CUBN: variants seen among roughly 807,000 people sequenced by gnomAD.
CUBN encodes the protein cubilin.
A neutral mutation model predicts 405.3 loss-of-function variants in CUBN; 282 were observed. That is an observed-to-expected ratio of 0.70 (90% confidence interval 0.63 to 0.77). The LOEUF (loss-of-function observed/expected upper bound fraction) is 0.77. Ranked by LOEUF, CUBN falls within the 30% of genes least tolerant of loss-of-function variation. The pLI, the probability that CUBN is intolerant of heterozygous loss-of-function variation, is 0.00. For synonymous variants in CUBN, 1,684 were observed against 1,617.0 expected (o/e 1.04, Z -0.99); for missense variants, 4,514 against 4,475.2 (o/e 1.01, Z -0.25).
rs201587209 is a variant in CUBN at position 16,984,128 on chromosome 10, G to T, written c.4502C>A (p.Ala1501Glu). 3 of 1,614,052 alleles carry T rather than the reference G, an allele frequency of 1.9e-6. No homozygotes were observed. Among genetic ancestry groups the T allele is most frequent in the Non-Finnish European group, 2.5e-6 (3 of 1,179,998 alleles). ...DLSINGRGFN[A>E]SWQAVTGGCG... ...ACCTCCAGTGACTGCTTGCCATGAC[G>T]CATTGAAGCCTCTCCCATTTATGGA... Residue 1501 changes from alanine (A) to glutamate (E), a missense_variant, in exon 30 of 67, where the codon GCG (alanine) becomes GAG (glutamate). Transcript: ENST00000377833.
intron 31 of CUBN, among the ~76,000 whole-genome samples, chr10:16,967,102 T>C (rs1158987706): frequency 6.6e-6 from 1 of 152,176 alleles, no homozygotes; most frequent in African/African-American, 2.4e-5. Context: ...TTATAGCATC[T>C]CTTCTTGGGG....
chr10:16,892,054 C>A (rs1029581036), intron 54 of CUBN, among the ~76,000 whole-genome samples: 2 of 152,200 alleles, frequency 1.3e-5, no homozygotes, highest in South Asian at 2.1e-4. Flanking sequence ...TCCTCACCCA[C>A]AGCAATAAAA....
intron 27 of CUBN, among the ~76,000 whole-genome samples, chr10:17,028,605 C>T (rs1190325111): frequency 6.6e-6 from 1 of 151,572 alleles, no homozygotes; most frequent in Non-Finnish European, 1.5e-5. Context: ...CATGTAATCC[C>T]AGCTACTCAG....
chr10:16,831,746 G>A (rs983504411), intron 64 of CUBN, among the ~76,000 whole-genome samples: 1 of 152,186 alleles, frequency 6.6e-6, no homozygotes, highest in African/African-American at 2.4e-5. Flanking sequence ...TCTGGAGAAT[G>A]TAGGTAAAGT....
chr10:16,841,875 T>C (rs1839360280), intron 60 of CUBN, among the ~76,000 whole-genome samples: 1 of 125,158 alleles, frequency 8.0e-6, no homozygotes, highest in Non-Finnish European at 1.6e-5. Context: ...ATGGTGCCAC[T>C]ACACTCCAGC....
intron 55 of CUBN, among the ~76,000 whole-genome samples, chr10:16,889,905 C>G (rs1434938048): frequency 7.1e-6 from 1 of 140,190 alleles, no homozygotes; most frequent in Admixed American, 7.0e-5. Context: ...CCACTGCACT[C>G]CAGCCTGGCG....
In CUBN at chr10:16,888,484, G is replaced by A. The variant is rs2131396240; in HGVS notation, c.8838C>T (p.Cys2946=). 1 of 1,612,368 alleles carries A rather than the reference G, an allele frequency of 6.2e-7. No individual in the cohort carries two copies. Among genetic ancestry groups the A allele is most frequent in the Non-Finnish European group, 8.5e-7 (1 of 1,178,464 alleles). Residue 2946 remains cysteine, a synonymous_variant, in exon 56 of 67, where the codon TGC becomes TGT. Coordinates refer to ENST00000377833, the MANE Select transcript of CUBN (RefSeq NM_001081.4). ...GAGGATTAGCCTCTATGACATAGGT[G>A]CAATTCATGTTGTTGTCATATTGTT... is the stretch of plus-strand genomic sequence containing the variant. ...YPKQYDNNMN[C]TYVIEANPLS... is the part of the protein sequence containing the mutation.
At chr10:16,896,358 G>A (rs924624276) in intron 54 of CUBN, among the ~76,000 whole-genome samples, 1 of 152,080 alleles carries the variant, frequency 6.6e-6, no homozygotes, top group African/African-American at 2.4e-5. Flanking sequence ...GTTTCCTAGT[G>A]ATAATTTTGT....
chr10:16,979,114 A>AC (rs1833187574), intron 31 of CUBN, among the ~76,000 whole-genome samples: 1 of 152,188 alleles, frequency 6.6e-6, no homozygotes, highest in Non-Finnish European at 1.5e-5. Flanking sequence ...AGAATAAAAT[A>AC]CCTAGGAATA....
chr10:17,122,719 G>T, intron 6 of CUBN, 76 bp downstream of exon 6: 1 of 850,078 alleles, frequency 1.2e-6, no homozygotes. Context: ...AGTTAATTTA[G>T]GATGCTCTTA....
intron 66 of CUBN, 57 bp downstream of exon 66, chr10:16,828,748 T>TG: frequency 7.5e-7 from 1 of 1,340,648 alleles, no homozygotes; most frequent in Non-Finnish European, 1.1e-6. Context: ...CTACACTAAG[T>TG]GACTCATTAT....
At chr10:16,849,405 T>C (rs765218216) in intron 60 of CUBN, among the ~76,000 whole-genome samples, 1 of 152,166 alleles carries the variant, frequency 6.6e-6, no homozygotes, top group Non-Finnish European at 1.5e-5. Context: ...TCCTTTCTCC[T>C]GATGGAAGGA....
intron 58 of CUBN, among the ~76,000 whole-genome samples, chr10:16,870,380 G>A (rs958294404): frequency 1.3e-5 from 2 of 152,114 alleles, no homozygotes; most frequent in Non-Finnish European, 2.9e-5. Context: ...TTTATGTTAA[G>A]GTCAGGTGAA....
intron 28 of CUBN, among the ~76,000 whole-genome samples, chr10:17,004,908 T>C (rs1833977368): frequency 1.3e-5 from 2 of 152,092 alleles, no homozygotes; most frequent in South Asian, 4.2e-4. Flanking sequence ...TCCACCTGCC[T>C]TGGCCTCCCG....
At chr10:16,867,713 G>A (rs888311669) in intron 59 of CUBN, among the ~76,000 whole-genome samples, 3 of 152,214 alleles carry the variant, frequency 2.0e-5, no homozygotes, top group Non-Finnish European at 2.9e-5. Flanking sequence ...GAGGAAAACA[G>A]TAAGTGACTG....
chr10:16,955,063 T>C (rs1843013955), intron 31 of CUBN, among the ~76,000 whole-genome samples: 1 of 152,094 alleles, frequency 6.6e-6, no homozygotes, highest in South Asian at 2.1e-4. Context: ...TAAGGCTGAT[T>C]TAGAAAACTA....
At chr10:16,888,742 CT>C (rs1840898958) in intron 55 of CUBN, among the ~76,000 whole-genome samples, 176 bp from the exon 56 acceptor site, 1 of 152,094 alleles carries the variant, frequency 6.6e-6, no homozygotes, top group Admixed American at 6.5e-5. Flanking sequence ...TACATATGTG[CT>C]TAATAAGAAT....
At chr10:16,995,011 A>G (rs1447342211) in intron 28 of CUBN, among the ~76,000 whole-genome samples, 1 of 152,176 alleles carries the variant, frequency 6.6e-6, no homozygotes, top group Non-Finnish European at 1.5e-5. Context: ...GAATTGCTTG[A>G]ACCCAGGAGG....
chr10:16,993,491 T>A (rs2932890), intron 28 of CUBN, among the ~76,000 whole-genome samples: 143,022 of 152,236 alleles, frequency 0.94, 67,420 homozygotes, highest in Non-Finnish European at 0.96. Context: ...GCATTCAGTA[T>A]TGCTTTAAAA....
Sources: gnomAD v4.1 joint callset for allele counts (sites outside exome capture counted in the v4.1 genomes callset) on GRCh38, gnomAD v4.1.1 for gene constraint, MANE v1.5 for transcripts, NCBI Gene and HGNC (gene_info 2026-07-23, HGNC 2026-07-21) for gene names.